Variants in DNAH17 observed in about 807,000 individuals in gnomAD.
DNAH17 encodes the protein dynein axonemal heavy chain 17, also known as axonemal beta dynein heavy chain 17.
Under a neutral mutation model 485.6 loss-of-function variants are expected in DNAH17, and 376 were observed. The observed-to-expected ratio is 0.77, with a 90% CI of 0.71 to 0.84. The LOEUF (loss-of-function observed/expected upper bound fraction) is 0.84, where lower values mean the gene tolerates loss of function less well. Ranked by LOEUF, DNAH17 falls within the 40% of genes least tolerant of loss-of-function variation. The pLI is 0.00. For missense variants in DNAH17, 6,370 were observed against 5,839.3 expected, an observed-to-expected ratio of 1.09 and a Z score of -2.96; for synonymous variants, 3,031 against 2,405.9, an observed-to-expected ratio of 1.26 and a Z score of -7.60.
At chr17:78,571,418 A>G (rs368314588) in intron 4 of DNAH17, 40 bp from the exon 5 acceptor site, 2 of 1,561,462 alleles carry the variant, frequency 1.3e-6, no homozygotes. Context: ...ATTGACCTGG[A>G]AGACCCTAAG....
In DNAH17 at chr17:78,450,287, G is replaced by A. The variant is rs2087490781; in HGVS notation, c.11007C>T (p.Asn3669=). ...SLLYFILNDL[N]KINPVYQFSL... is the part of the protein sequence containing the mutation. ...AGAACTGGTAGACGGGGTTGATTTTGTTGAGATCGTTCAGTATGAAGTAGA... is the reference window on the plus strand; with the variant it reads ...AGAACTGGTAGACGGGGTTGATTTTATTGAGATCGTTCAGTATGAAGTAGA... Residue 3669 remains asparagine, a synonymous_variant, in exon 68 of 81, where the codon AAC becomes AAT. Transcript: ENST00000389840. 6.2e-7 allele frequency: 1 copy of A among 1,613,864 alleles called. No individual in the cohort carries two copies. The highest frequency in any genetic ancestry group is 8.5e-7 in the Non-Finnish European group (1 of 1,179,898).
At chr17:78,467,936 T>C (rs2088555672) in intron 55 of DNAH17, among the ~76,000 whole-genome samples, 3 of 151,770 alleles carry the variant, frequency 2.0e-5, no homozygotes, top group African/African-American at 7.3e-5. Flanking sequence ...GAGAATCATT[T>C]TAACCCAGGA....
intron 13 of DNAH17, among the ~76,000 whole-genome samples, chr17:78,559,738 C>T (rs2092110886): frequency 6.6e-6 from 1 of 152,200 alleles, no homozygotes; most frequent in Admixed American, 6.5e-5. Flanking sequence ...AAACCAAACT[C>T]CAAGTCCCTC....
chr17:78,439,936 C>G (rs2087003682), intron 72 of DNAH17, among the ~76,000 whole-genome samples: 1 of 152,010 alleles, frequency 6.6e-6, no homozygotes, highest in African/African-American at 2.4e-5. Flanking sequence ...TCCCAAAGTG[C>G]TGGGATTATG....
In DNAH17 at chr17:78,538,579, G is replaced by A. The variant is rs1444472516; in HGVS notation, c.2677-1098C>T. Among the ~76,000 whole-genome samples the A allele has an allele frequency of 2.0e-5, 3 of 152,184 alleles. No homozygotes were observed. The East Asian group carries it at 5.8e-4, about 29-fold the overall frequency. The stretch of plus-strand genomic sequence containing the variant: ...AATTGGGACAAACGGTCAATTGTGT[G>A]ACCAGACTTCTCTAAAGACTCAGGT... On this transcript the variant is annotated intron_variant, in intron 18 of 80. Coordinates refer to ENST00000389840, the MANE Select transcript of DNAH17 (RefSeq NM_173628.4).
At chr17:78,508,950 T>C (rs2090561616) in intron 27 of DNAH17, among the ~76,000 whole-genome samples, 1 of 148,492 alleles carries the variant, frequency 6.7e-6, no homozygotes, top group East Asian at 2.0e-4. Flanking sequence ...TACAGGTGTG[T>C]GTCATCATGT....
intron 42 of DNAH17, 104 bp downstream of exon 42, chr17:78,492,529 C>G: frequency 2.0e-6 from 3 of 1,514,834 alleles, no homozygotes; most frequent in Non-Finnish European, 2.7e-6. Context: ...GTGCCCCACC[C>G]TAGCCTGGGG....
Position 78,434,183 on chromosome 17 carries a change from TTG to T in DNAH17, c.12069_12070del (p.Phe4023LeufsTer64). The stretch of plus-strand genomic sequence containing the variant: ...GTAGCACAGGGCGAAGAGCATGCAC[TTG>T]AACTCCATCTCCTTGGTGCACATCT... On this transcript the variant is annotated frameshift_variant, in exon 75 of 81. Transcript: ENST00000389840. LOFTEE classifies it high-confidence loss of function. 6.2e-7 allele frequency: 1 copy of T among 1,613,200 alleles called. No homozygotes were observed. The highest frequency in any genetic ancestry group is 8.5e-7 in the Non-Finnish European group (1 of 1,179,554).
At chr17:78,440,244 C>CTTTT (rs71160296) in intron 72 of DNAH17, among the ~76,000 whole-genome samples, 5 of 40,342 alleles carry the variant, frequency 1.2e-4, no homozygotes, top group Non-Finnish European at 1.6e-4. Context: ...CGACTTCATG[C>CTTTT]TTTTTTTTTT....
At chr17:78,484,320 T>A (rs11868949) in intron 48 of DNAH17, among the ~76,000 whole-genome samples, 124 of 151,404 alleles carry the variant, frequency 8.2e-4, no homozygotes, top group Admixed American at 1.4e-3. Flanking sequence ...TCTTCACGTG[T>A]GGCAGGGCAT....
At chr17:78,476,153 G>T (rs975302939) in intron 52 of DNAH17, among the ~76,000 whole-genome samples, 26 of 152,170 alleles carry the variant, frequency 1.7e-4, no homozygotes, top group African/African-American at 5.8e-4. Flanking sequence ...AGTGGACAGA[G>T]GGAGGTGATC....
chr17:78,474,877 C>T (rs1452088759), intron 54 of DNAH17, among the ~76,000 whole-genome samples: 1 of 148,184 alleles, frequency 6.7e-6, no homozygotes, highest in Non-Finnish European at 1.5e-5. Flanking sequence ...ATTTCACACC[C>T]TTCACCTCAG....
chr17:78,546,407 G>C (rs1228935156), intron 16 of DNAH17, among the ~76,000 whole-genome samples: 1 of 152,074 alleles, frequency 6.6e-6, no homozygotes, highest in African/African-American at 2.4e-5. Context: ...TATATATACT[G>C]TAACTAATGT....
At chr17:78,512,024 G>A (rs2090648071) in intron 26 of DNAH17, among the ~76,000 whole-genome samples, 1 of 152,176 alleles carries the variant, frequency 6.6e-6, no homozygotes. Context: ...TTCCTTCCTT[G>A]GGCCTAGGGA....
chr17:78,476,762 G>T (rs377481901), intron 51 of DNAH17, 29 bp from the exon 52 acceptor site: 1 of 1,603,996 alleles, frequency 6.2e-7, no homozygotes, highest in South Asian at 1.1e-5. Context: ...GATCAGCACC[G>T]TCAGCTGTTA....
intron 44 of DNAH17, among the ~76,000 whole-genome samples, chr17:78,488,805 A>G (rs186226159): frequency 6.6e-6 from 1 of 152,280 alleles, no homozygotes; most frequent in Admixed American, 6.5e-5. Context: ...ATTTGGACAC[A>G]GACATACAGA....
rs972969735 is a variant in DNAH17 at position 78,494,576 on chromosome 17, G to A, written c.6270+17C>T. 6.2e-7 allele frequency: 1 copy of A among 1,612,412 alleles called. No homozygotes were observed. Among genetic ancestry groups the A allele is most frequent in the Non-Finnish European group, 8.5e-7 (1 of 1,179,174 alleles). On this transcript the variant is annotated intron_variant, in intron 40 of 80. Transcript: ENST00000389840. ...GGCAGGCTTCTCCGGACAGACCTGA[G>A]ACCCAGGAGTCCCGACCTTTTCAAA...
At chr17:78,452,582 A>C (rs1320923702) in intron 65 of DNAH17, among the ~76,000 whole-genome samples, 1 of 152,184 alleles carries the variant, frequency 6.6e-6, no homozygotes, top group South Asian at 2.1e-4. Flanking sequence ...TACTAAAAAT[A>C]CAAAAATTAG....
chr17:78,441,423 T>C (rs2146460082), intron 71 of DNAH17, among the ~76,000 whole-genome samples: 1 of 152,280 alleles, frequency 6.6e-6, no homozygotes, highest in African/African-American at 2.4e-5. Context: ...GGCCCCGCAC[T>C]GTGCTCCTCC....
Sources: allele counts gnomAD v4.1 joint callset (sites outside exome capture counted in the v4.1 genomes callset), GRCh38; gene constraint gnomAD v4.1.1; transcripts MANE v1.5; gene names NCBI Gene and HGNC (gene_info 2026-07-23, HGNC 2026-07-21).